The following LRRK2 variants were observed in gnomAD, a reference collection of about 807,000 sequenced individuals.
LRRK2 encodes the protein leucine rich repeat kinase 2, also known as leucine-rich repeat serine/threonine-protein kinase 2.
In LRRK2, 203 loss-of-function variants were observed where a neutral mutation model predicts 302.6. That is an observed-to-expected ratio of 0.67 (90% CI 0.60 to 0.75). The LOEUF is 0.75. Ranked by LOEUF, LRRK2 falls within the 30% of genes least tolerant of loss-of-function variation. The pLI is 0.00. For missense variants in LRRK2, 2,830 were observed against 2,951.0 expected, an observed-to-expected ratio of 0.96 and a Z score of 0.95; for synonymous variants, 1,066 against 1,031.9, an observed-to-expected ratio of 1.03 and a Z score of -0.63.
intron 10 of LRRK2, 48 bp downstream of exon 10, chr12:40,251,592 A>T (rs1345284983): frequency 7.1e-7 from 1 of 1,409,322 alleles, no homozygotes; most frequent in Non-Finnish European, 9.9e-7. Context: ...TTATATTTTA[A>T]ATCAATACCT....
chr12:40,335,386 C>A (rs1945837207), intron 40 of LRRK2, among the ~76,000 whole-genome samples: 1 of 152,202 alleles, frequency 6.6e-6, no homozygotes, highest in Non-Finnish European at 1.5e-5. Context: ...CCCACAAGTT[C>A]TGCTCTAGAA....
chr12:40,302,882 A>G lies in LRRK2; in HGVS notation c.3590A>G (p.His1197Arg). Residue 1197 changes from histidine to arginine, a missense_variant and splice_region_variant, in exon 26 of 51, where the codon CAC (histidine) becomes CGC (arginine). By Grantham distance (29) the His-to-Arg change is conservative (BLOSUM62 0). Around this residue, in one of 3 missense-constraint regions of LRRK2, gnomAD observed 2,121 missense variants for 2,148.0 expected, o/e 0.99. Coordinates refer to ENST00000298910, the MANE Select transcript of LRRK2 (RefSeq NM_198578.4). Reference sequence around the variant, plus strand: ...CCAGAAGCAATTTTAAATCTTCCACAGTAAGTTTATTGTTATTTTAATTTT... The same window carrying G: ...CCAGAAGCAATTTTAAATCTTCCACGGTAAGTTTATTGTTATTTTAATTTT... ...CIPEAILNLP[H>R]LRSLDMSSND... 6.5e-7 allele frequency: 1 copy of G among 1,544,416 alleles called. No individual in the cohort carries two copies. Among genetic ancestry groups the G allele is most frequent in the Non-Finnish European group, 9.0e-7 (1 of 1,117,120 alleles).
intron 3 of LRRK2, among the ~76,000 whole-genome samples, chr12:40,234,117 G>T (rs1592137689): frequency 1.3e-5 from 2 of 152,182 alleles, no homozygotes; most frequent in African/African-American, 4.8e-5. Flanking sequence ...TAGGGGCAGG[G>T]TGATTAGGAG....
chr12:40,353,187 G>A (rs1422936459), intron 44 of LRRK2, among the ~76,000 whole-genome samples: 11 of 150,068 alleles, frequency 7.3e-5, no homozygotes, highest in African/African-American at 1.2e-4. Context: ...CTTCTCCGAC[G>A]GGGCGGCTGC....
chr12:40,330,151 G>A (rs906002162), intron 39 of LRRK2, among the ~76,000 whole-genome samples: 1 of 152,066 alleles, frequency 6.6e-6, no homozygotes, highest in Admixed American at 6.5e-5. Flanking sequence ...TCTCTTGGTT[G>A]GATTGTCCTT....
chr12:40,328,582 G>A, intron 39 of LRRK2, 122 bp downstream of exon 39: 1 of 736,356 alleles, frequency 1.4e-6, no homozygotes, highest in Non-Finnish European at 2.2e-6. Context: ...GTTTAATTAT[G>A]CAATCCTAGT....
intron 24 of LRRK2, among the ~76,000 whole-genome samples, chr12:40,298,777 A>AT: frequency 1.0e-5 from 1 of 98,398 alleles, no homozygotes; most frequent in African/African-American, 4.4e-5. Flanking sequence ...TGTCTCAAAG[A>AT]AATATATATA....
intron 7 of LRRK2, among the ~76,000 whole-genome samples, chr12:40,248,424 CT>C (rs957875182): frequency 9.9e-5 from 15 of 152,164 alleles, no homozygotes; most frequent in Admixed American, 2.6e-4. Flanking sequence ...TATTCTGTAA[CT>C]TTTTTTGAAA....
chr12:40,262,133 G>A (rs947419050), intron 13 of LRRK2, among the ~76,000 whole-genome samples: 2 of 152,214 alleles, frequency 1.3e-5, no homozygotes. Flanking sequence ...AGAGCAATAA[G>A]AGGAACTGAG....
intron 44 of LRRK2, among the ~76,000 whole-genome samples, chr12:40,352,006 G>A (rs1448351804): frequency 6.6e-6 from 1 of 152,134 alleles, no homozygotes; most frequent in Non-Finnish European, 1.5e-5. Context: ...AGCCAGAAAG[G>A]GCAGAGGAAA....
intron 34 of LRRK2, 31 bp downstream of exon 34, chr12:40,320,206 C>T (rs768851219): frequency 3.9e-6 from 6 of 1,526,808 alleles, no homozygotes; most frequent in South Asian, 3.4e-5. Context: ...TTAATTGCTA[C>T]ATGGAAATTC....
chr12:40,243,619 C>A lies in LRRK2; in HGVS notation c.776C>A (p.Ala259Glu), dbSNP rs199557665. The stretch of plus-strand genomic sequence containing the variant: ...AATATTGTGGTGGAAGCTATGAAAG[C>A]ATTCCCTATGAGTGAAAGAATTCAA... ...CYNIVVEAMK[A>E]FPMSERIQEV... is the part of the protein sequence containing the mutation. The change falls in exon 7 of 51, where the codon GCA becomes GAA. Residue 259 changes from alanine (A) to glutamate (E), a missense_variant. Coordinates refer to ENST00000298910, the MANE Select transcript of LRRK2 (RefSeq NM_198578.4). 1.9e-6 allele frequency: 3 copies of A among 1,612,108 alleles called. No individual in the cohort carries two copies. The highest frequency in any genetic ancestry group is 8.5e-7 in the Non-Finnish European group (1 of 1,178,664).
intron 12 of LRRK2, among the ~76,000 whole-genome samples, chr12:40,258,212 T>C (rs1942608171): frequency 1.3e-5 from 2 of 152,206 alleles, no homozygotes; most frequent in Admixed American, 6.5e-5. Context: ...AAATTGTGTC[T>C]ATTGTTGTTA....
At position 40,351,534 on chromosome 12, in the gene LRRK2, C is replaced by A. The variant is rs780418597; in HGVS notation, c.6382-5C>A. Reference sequence around the variant, plus strand: ...TACTGTTTTGTTATCTTTAAACTTTCTCAGGTCTTTGACATTTTGAATTCA... The same window carrying A: ...TACTGTTTTGTTATCTTTAAACTTTATCAGGTCTTTGACATTTTGAATTCA... On this transcript the variant is annotated splice_polypyrimidine_tract_variant and splice_region_variant and intron_variant, in intron 43 of 50. Transcript: ENST00000298910. 6.2e-7 allele frequency: 1 copy of A among 1,613,906 alleles called. No individual in the cohort carries two copies. Among genetic ancestry groups the A allele is most frequent in the African/African-American group, 1.3e-5 (1 of 75,024 alleles).
At chr12:40,353,283 A>G (rs61915612) in intron 44 of LRRK2, among the ~76,000 whole-genome samples, 1 of 10,728 alleles carries the variant, frequency 9.3e-5, no homozygotes, top group Non-Finnish European at 5.8e-4. Context: ...GCTGCCGGGC[A>G]GAGGGACTCC....
intron 25 of LRRK2, among the ~76,000 whole-genome samples, chr12:40,302,112 A>G (rs1442291790): frequency 6.6e-6 from 1 of 152,180 alleles, no homozygotes; most frequent in East Asian, 1.9e-4. Context: ...TGGGAGGCGG[A>G]GATTGCATTG....
chr12:40,229,955 C>CT (rs71078229), intron 2 of LRRK2, among the ~76,000 whole-genome samples: 21,105 of 92,564 alleles, frequency 0.23, 3,555 homozygotes, highest in East Asian at 0.41. Flanking sequence ...TCCTATGTGA[C>CT]TTTTTTTTTT....
intron 46 of LRRK2, among the ~76,000 whole-genome samples, chr12:40,357,691 G>A (rs1248695160): frequency 6.6e-6 from 1 of 152,070 alleles, no homozygotes; most frequent in Non-Finnish European, 1.5e-5. Context: ...CTGATGATTA[G>A]TTAATGTTGA....
At position 40,310,755 on chromosome 12, in the gene LRRK2, T is replaced by C. The variant is rs41286474; in HGVS notation, c.4536+106T>C. 0.11 allele frequency: 124,085 copies of C among 1,127,420 alleles called. 7,758 individuals carry two copies. The highest frequency in any genetic ancestry group is 0.14 in the African/African-American group (9,179 of 64,746). 69.8% of individuals were successfully genotyped at this position (1,127,420 alleles called of 1,614,324 possible). A position where few individuals can be genotyped will look rare whatever the true frequency, so the allele number is the denominator to read the frequency against. ...AACTCACTTAAAATTGTGGGTTTTC[T>C]TTCCTTGTTGCTGTTAGCATTATTA... is the stretch of plus-strand genomic sequence containing the variant. On this transcript the variant is annotated intron_variant, in intron 31 of 50. Transcript: ENST00000298910.
Sources: allele counts gnomAD v4.1 joint callset (sites outside exome capture counted in the v4.1 genomes callset), GRCh38; gene constraint gnomAD v4.1.1; regional missense constraint gnomAD v4.1.1; transcripts MANE v1.5; gene names NCBI Gene and HGNC (gene_info 2026-07-23, HGNC 2026-07-21).